MPPED2: variants seen among roughly 807,000 people sequenced by gnomAD.
MPPED2 encodes the protein metallophosphoesterase MPPED2.
Under a neutral mutation model 33.0 loss-of-function variants are expected in MPPED2, and 5 were observed. That is an observed-to-expected ratio of 0.15 (90% CI 0.08 to 0.32). MPPED2 has a LOEUF of 0.32. MPPED2 is among the 10% of genes least tolerant of loss of function. The probability of loss-of-function intolerance (pLI) is 1.00; values close to 1 mark genes in which losing one functional copy is unlikely to be tolerated. For synonymous variants in MPPED2, 136 were observed against 141.9 expected, an observed-to-expected ratio of 0.96 and a Z score of 0.29; for missense variants, 275 against 372.1, an observed-to-expected ratio of 0.74 and a Z score of 2.15.
intron 4 of MPPED2, among the ~76,000 whole-genome samples, chr11:30,464,289 A>ACACACACAC (rs59682626): frequency 2.0e-5 from 3 of 151,806 alleles, no homozygotes; most frequent in Non-Finnish European, 4.4e-5. Flanking sequence ...ACACACACAC[A>ACACACACAC]CACACACACA....
At chr11:30,452,236 C>T (rs1483701091) in intron 4 of MPPED2, among the ~76,000 whole-genome samples, 1 of 152,174 alleles carries the variant, frequency 6.6e-6, no homozygotes. Context: ...CCCTATGTGC[C>T]CTTTCCCCTT....
rs116934956 is a variant in MPPED2 at position 30,525,881 on chromosome 11, T to G, written c.310+10113A>C. On this transcript the variant is annotated intron_variant, in intron 3 of 6. Coordinates refer to ENST00000358117, the MANE Select transcript of MPPED2 (RefSeq NM_001584.3). ...GCTGCCCATAACACAGAGGATTGGG[T>G]TCACATGGATCACAAAAGACCTAGT... is the stretch of plus-strand genomic sequence containing the variant. Among the ~76,000 whole-genome samples the G allele has an allele frequency of 3.5e-4, 54 of 152,218 alleles. No homozygotes were observed. In the East Asian group the frequency reaches 0.01, roughly 29 times the overall value.
chr11:30,395,912 T>A (rs1443942816), intron 6 of MPPED2, among the ~76,000 whole-genome samples: 1 of 152,156 alleles, frequency 6.6e-6, no homozygotes, highest in African/African-American at 2.4e-5. Context: ...GCTTAAACCA[T>A]CCTCAAACAC....
intron 2 of MPPED2, among the ~76,000 whole-genome samples, chr11:30,564,095 A>T: frequency 6.6e-6 from 1 of 152,080 alleles, no homozygotes; most frequent in East Asian, 1.9e-4. Context: ...CTATGTCTTA[A>T]CCTTTTCTCA....
chr11:30,536,172 G>A lies in MPPED2; in HGVS notation c.132C>T (p.Val44=). Residue 44 remains valine (V), a synonymous_variant, in exon 3 of 7, where the codon GTC becomes GTT. Coordinates refer to ENST00000358117, the MANE Select transcript of MPPED2 (RefSeq NM_001584.3). ...TTGGAGTGTCATATGGGATGGGGTC[G>A]ACCCTAAAGTAGACATAACAGATCC... ...SRFQPPHVHM[V]DPIPYDTPKP... The A allele has an allele frequency of 6.3e-7, 1 of 1,596,086 alleles. No individual in the cohort carries two copies. The highest frequency in any genetic ancestry group is 8.5e-7 in the Non-Finnish European group (1 of 1,172,608).
chr11:30,565,393 T>C (rs529297239), intron 2 of MPPED2, among the ~76,000 whole-genome samples: 1 of 152,266 alleles, frequency 6.6e-6, no homozygotes, highest in Admixed American at 6.5e-5. Context: ...TTTCATATAC[T>C]AAGGAGCACT....
At chr11:30,483,451 T>C (rs962762005) in intron 4 of MPPED2, among the ~76,000 whole-genome samples, 1 of 152,220 alleles carries the variant, frequency 6.6e-6, no homozygotes, top group Non-Finnish European at 1.5e-5. Context: ...AACAAACTTG[T>C]CTTCCATAAT....
Position 30,522,383 on chromosome 11 carries a change from A to AACAC in MPPED2, c.310+13610_310+13611insGTGT, listed in dbSNP as rs1362466768. 7.7e-4 allele frequency among the ~76,000 whole-genome samples: 67 copies of AACAC among 87,576 alleles called. 1 individual carries two copies. The highest frequency in any genetic ancestry group is 2.9e-3 in the African/African-American group (65 of 22,224). The allele number at this position is 87,576 out of a possible 152,430, so 57.5% of individuals were successfully genotyped here. Reference sequence around the variant, plus strand: ...GACTTAAACTCAAATGCTTCAGGAAAACATACACACACACACACACACACA... The same window carrying AACAC: ...GACTTAAACTCAAATGCTTCAGGAAAACACACATACACACACACACACACACACA... On this transcript the variant is annotated intron_variant, in intron 3 of 6. Transcript: ENST00000358117.
chr11:30,478,250 C>G (rs1951312921), intron 4 of MPPED2, among the ~76,000 whole-genome samples: 1 of 151,984 alleles, frequency 6.6e-6, no homozygotes, highest in Non-Finnish European at 1.5e-5. Context: ...TTGTTAGGAG[C>G]TTATTCCTCC....
chr11:30,458,947 A>C (rs1950403867), intron 4 of MPPED2, among the ~76,000 whole-genome samples: 2 of 74,810 alleles, frequency 2.7e-5, no homozygotes, highest in Non-Finnish European at 4.9e-5. Flanking sequence ...TTTTTTTGAG[A>C]CGGAGTCTCG....
At chr11:30,508,370 T>C (rs1263214854) in intron 3 of MPPED2, among the ~76,000 whole-genome samples, 2 of 152,172 alleles carry the variant, frequency 1.3e-5, no homozygotes, top group South Asian at 2.1e-4. Flanking sequence ...TTAAAAAACA[T>C]GTAAATTTCT....
At chr11:30,461,528 A>G (rs1358799381) in intron 4 of MPPED2, among the ~76,000 whole-genome samples, 2 of 152,122 alleles carry the variant, frequency 1.3e-5, no homozygotes, top group African/African-American at 2.4e-5. Flanking sequence ...CTCGAGTGGA[A>G]AGCACTCCGT....
chr11:30,469,909 A>G (rs1950876725), intron 4 of MPPED2, among the ~76,000 whole-genome samples: 1 of 152,222 alleles, frequency 6.6e-6, no homozygotes, highest in African/African-American at 2.4e-5. Flanking sequence ...ATGGCTCATT[A>G]TCACTGTGTC....
intron 3 of MPPED2, among the ~76,000 whole-genome samples, chr11:30,527,765 G>C (rs1455712110): frequency 6.6e-6 from 1 of 152,118 alleles, no homozygotes; most frequent in Non-Finnish European, 1.5e-5. Flanking sequence ...TGACACAAGA[G>C]ACTTCAGGGC....
chr11:30,561,535 A>G (rs890052499), intron 2 of MPPED2, among the ~76,000 whole-genome samples: 1 of 152,198 alleles, frequency 6.6e-6, no homozygotes, highest in African/African-American at 2.4e-5. Context: ...AATGCTGGCA[A>G]ATAAACCAAT....
At chr11:30,449,656 A>C (rs1181178056) in intron 4 of MPPED2, among the ~76,000 whole-genome samples, 1 of 152,158 alleles carries the variant, frequency 6.6e-6, no homozygotes, top group Non-Finnish European at 1.5e-5. Context: ...AAAAAGAAAG[A>C]ATCAGCAGAT....
At position 30,388,984 on chromosome 11, in the gene MPPED2, G is replaced by GGA. The variant is rs141564216; in HGVS notation, c.767-30_767-29dup. 135 of 1,527,134 alleles carry GGA rather than the reference G, an allele frequency of 8.8e-5. No individual in the cohort carries two copies. In the South Asian group the frequency reaches 9.1e-4, roughly 10 times the overall value. 94.6% of individuals were successfully genotyped at this position (1,527,134 alleles called of 1,614,324 possible). A position where few individuals can be genotyped will look rare whatever the true frequency, so the allele number is the denominator to read the frequency against. ...AAAGGGGAGAGAGAGAAAGAGAGAG[G>GGA]GAGAGAGAGAGAGAGATGAACATGA... On this transcript the variant is annotated intron_variant, in intron 6 of 6. Coordinates refer to the MPPED2 transcript ENST00000448418.
intron 4 of MPPED2, among the ~76,000 whole-genome samples, chr11:30,456,886 C>T (rs1453665215): frequency 6.6e-6 from 1 of 152,134 alleles, no homozygotes; most frequent in East Asian, 1.9e-4. Flanking sequence ...TGCAATCATA[C>T]AGCTAGCAAT....
chr11:30,512,630 A>T (rs572373887), intron 3 of MPPED2, among the ~76,000 whole-genome samples: 1 of 152,304 alleles, frequency 6.6e-6, no homozygotes, highest in Admixed American at 6.5e-5. Context: ...CCCTTTAACG[A>T]TTATAAAGCC....
Sources: allele counts gnomAD v4.1 joint callset (sites outside exome capture counted in the v4.1 genomes callset), GRCh38; gene constraint gnomAD v4.1.1; transcripts MANE v1.5; gene names NCBI Gene and HGNC (gene_info 2026-07-23, HGNC 2026-07-21).